Variants in MDGA2 observed in about 807,000 individuals in gnomAD.
MDGA2 encodes MAM domain containing glycosylphosphatidylinositol anchor 2.
In MDGA2, 40 loss-of-function variants were observed where a neutral mutation model predicts 117.8. The ratio of observed to expected loss-of-function variants is 0.34; its 90% CI spans 0.26 to 0.44. MDGA2 has a LOEUF of 0.44. MDGA2 is among the 20% of genes least tolerant of loss of function. MDGA2 has a pLI of 1.00. For synonymous variants in MDGA2, 452 were observed against 439.0 expected, an observed-to-expected ratio of 1.03 and a Z score of -0.37; for missense variants, 1,123 against 1,250.6, an observed-to-expected ratio of 0.90 and a Z score of 1.54.
At chr14:47,137,730 AATAAC>A (rs1300218077) in intron 4 of MDGA2, among the ~76,000 whole-genome samples, 2 of 152,188 alleles carry the variant, frequency 1.3e-5, no homozygotes, top group Non-Finnish European at 2.9e-5. Flanking sequence ...CACAGAACAC[AATAAC>A]AAAATGGACT....
chr14:47,551,598 T>C (rs1271916495), intron 1 of MDGA2, among the ~76,000 whole-genome samples: 1 of 152,184 alleles, frequency 6.6e-6, no homozygotes, highest in African/African-American at 2.4e-5. Flanking sequence ...TAGACATCTC[T>C]GCATTATCAG....
At chr14:47,225,590 C>G (rs1886461463) in intron 2 of MDGA2, among the ~76,000 whole-genome samples, 1 of 150,502 alleles carries the variant, frequency 6.6e-6, no homozygotes. Context: ...CATGTTCTCA[C>G]TCATAGGTGG....
chr14:47,665,793 C>G (rs12172803), intron 1 of MDGA2, among the ~76,000 whole-genome samples: 1 of 104,602 alleles, frequency 9.6e-6, no homozygotes. Flanking sequence ...ACTAGCAGCC[C>G]GCCCCCTCCC....
chr14:47,583,749 TA>T (rs1896271418), intron 1 of MDGA2, among the ~76,000 whole-genome samples: 1 of 151,894 alleles, frequency 6.6e-6, no homozygotes. Flanking sequence ...GATATGTGAT[TA>T]CTTTTAAAGA....
intron 3 of MDGA2, among the ~76,000 whole-genome samples, chr14:47,151,481 A>G (rs927862): frequency 0.87 from 133,189 of 152,218 alleles, 58,567 homozygotes; most frequent in East Asian, 0.97. Context: ...GTAGTTCAGG[A>G]AGCATAAAAT....
intron 1 of MDGA2, among the ~76,000 whole-genome samples, chr14:47,461,429 G>A (rs1345628823): frequency 2.0e-5 from 3 of 151,968 alleles, no homozygotes; most frequent in African/African-American, 4.8e-5. Context: ...TAGAACAGAG[G>A]GGATTCAAAC....
intron 3 of MDGA2, among the ~76,000 whole-genome samples, chr14:47,155,272 G>T (rs1034106291): frequency 6.6e-6 from 1 of 152,048 alleles, no homozygotes; most frequent in Non-Finnish European, 1.5e-5. Flanking sequence ...ACAAGAACTC[G>T]GGACCTTCTG....
At chr14:47,432,904 C>T (rs1468588853) in intron 1 of MDGA2, among the ~76,000 whole-genome samples, 1 of 151,870 alleles carries the variant, frequency 6.6e-6, no homozygotes, top group East Asian at 1.9e-4. Flanking sequence ...CATATCAGAA[C>T]CCAGGCATTA....
chr14:47,109,553 A>C (rs1174181851), intron 5 of MDGA2, among the ~76,000 whole-genome samples: 1 of 152,242 alleles, frequency 6.6e-6, no homozygotes, highest in Non-Finnish European at 1.5e-5. Flanking sequence ...GACAAAGAAT[A>C]GGTGCTCAAT....
At chr14:46,913,448 C>T (rs930641382) in intron 10 of MDGA2, among the ~76,000 whole-genome samples, 1 of 151,780 alleles carries the variant, frequency 6.6e-6, no homozygotes, top group African/African-American at 2.4e-5. Context: ...CTAAGTCAAG[C>T]ACAAAACAAG....
At chr14:47,479,824 C>T (rs1335760983) in intron 1 of MDGA2, among the ~76,000 whole-genome samples, 1 of 152,062 alleles carries the variant, frequency 6.6e-6, no homozygotes, top group Admixed American at 6.6e-5. Flanking sequence ...GATGGCATCA[C>T]CTTCCCAGCT....
intron 8 of MDGA2, among the ~76,000 whole-genome samples, chr14:47,004,419 T>C (rs911465981): frequency 1.3e-5 from 2 of 151,802 alleles, no homozygotes; most frequent in African/African-American, 4.8e-5. Context: ...TGGATCTCTA[T>C]TCTGTTCCAT....
At chr14:47,619,387 T>C (rs547078594) in intron 1 of MDGA2, among the ~76,000 whole-genome samples, 1 of 151,950 alleles carries the variant, frequency 6.6e-6, no homozygotes, top group Non-Finnish European at 1.5e-5. Flanking sequence ...GGATAGCTTA[T>C]TTTTTTGAAT....
rs1380782255 is a variant in MDGA2 at position 47,344,861 on chromosome 14, CTGTG to C, written c.281-43315_281-43312del. On this transcript the variant is annotated intron_variant, in intron 1 of 16. Coordinates refer to ENST00000399232, the MANE Select transcript of MDGA2 (RefSeq NM_001113498.3). ...TATGTGACTACAGACAGGGGTGTCT[CTGTG>C]TGTGTATGAGAGTGTGTGTGTGTGT... Among the ~76,000 whole-genome samples the C allele has an allele frequency of 1.8e-4, 25 of 142,780 alleles. No homozygotes were observed. In the East Asian group the frequency reaches 4.1e-3, roughly 24 times the overall value. 93.7% of individuals were successfully genotyped at this position (142,780 alleles called of 152,430 possible).
At chr14:47,269,059 T>G (rs75193604) in intron 2 of MDGA2, among the ~76,000 whole-genome samples, 15,429 of 152,132 alleles carry the variant, frequency 0.1, 879 homozygotes, top group Middle Eastern at 0.15. Flanking sequence ...TCTCTGTGGA[T>G]TGAGGAAGGC....
At chr14:46,912,432 T>G (rs535372271) in intron 10 of MDGA2, among the ~76,000 whole-genome samples, 101 of 152,242 alleles carry the variant, frequency 6.6e-4, no homozygotes, top group African/African-American at 2.4e-3. Context: ...GACTTGTAAA[T>G]TAACATATTG....
At chr14:46,929,603 A>ATGTG (rs1566530196) in intron 9 of MDGA2, among the ~76,000 whole-genome samples, 4 of 7,994 alleles carry the variant, frequency 5.0e-4, no homozygotes, top group African/African-American at 1.6e-3. Context: ...GTGTGTGTGT[A>ATGTG]TATATATATA....
intron 3 of MDGA2, among the ~76,000 whole-genome samples, chr14:47,154,856 C>T (rs1465747347): frequency 2.0e-5 from 3 of 152,162 alleles, no homozygotes; most frequent in African/African-American, 7.2e-5. Flanking sequence ...GAAATCCCAC[C>T]TTCAAACCAT....
chr14:46,862,775 T>C (rs1225821389), intron 14 of MDGA2, among the ~76,000 whole-genome samples: 1 of 152,020 alleles, frequency 6.6e-6, no homozygotes, highest in Non-Finnish European at 1.5e-5. Flanking sequence ...TGTATATTGA[T>C]AGGTAATTGC....
Sources: gnomAD v4.1 joint callset for allele counts (sites outside exome capture counted in the v4.1 genomes callset) on GRCh38, gnomAD v4.1.1 for gene constraint, MANE v1.5 for transcripts, NCBI Gene and HGNC (gene_info 2026-07-23, HGNC 2026-07-21) for gene names.